Variants in SEC11A observed in about 807,000 individuals in gnomAD.
SEC11A encodes signal peptidase complex catalytic subunit SEC11A.
Under a neutral mutation model 25.6 loss-of-function variants are expected in SEC11A, and 14 were observed. That is an observed-to-expected ratio of 0.55 (90% CI 0.36 to 0.85). The LOEUF (loss-of-function observed/expected upper bound fraction) is 0.85. Ranked by LOEUF, SEC11A falls within the 40% of genes least tolerant of loss-of-function variation. The pLI is 0.01. For synonymous variants in SEC11A, 83 were observed against 76.4 expected, an observed-to-expected ratio of 1.09 and a Z score of -0.45; for missense variants, 153 against 222.9, an observed-to-expected ratio of 0.69 and a Z score of 2.00.
chr15:84,695,428 A>ACT (rs1168126297), intron 1 of SEC11A, among the ~76,000 whole-genome samples: 2 of 151,478 alleles, frequency 1.3e-5, no homozygotes, highest in Non-Finnish European at 2.9e-5. Flanking sequence ...GCACCATTGC[A>ACT]CTCCAGCCTG....
chr15:84,705,224 CAA>C (rs1267127281), intron 1 of SEC11A, among the ~76,000 whole-genome samples: 3 of 152,190 alleles, frequency 2.0e-5, no homozygotes, highest in African/African-American at 7.2e-5. Flanking sequence ...TGAGCCCAGC[CAA>C]GAGTCCTCTT....
chr15:84,701,582 A>G (rs1346713186), intron 1 of SEC11A, among the ~76,000 whole-genome samples: 1 of 152,142 alleles, frequency 6.6e-6, no homozygotes, highest in Non-Finnish European at 1.5e-5. Flanking sequence ...TACTATACTT[A>G]GAAGTTAAAT....
intron 3 of SEC11A, among the ~76,000 whole-genome samples, chr15:84,686,226 C>A (rs1567037079): frequency 6.6e-6 from 1 of 152,128 alleles, no homozygotes; most frequent in Non-Finnish European, 1.5e-5. Flanking sequence ...GCAGTCATAT[C>A]TTTATTTCAC....
At chr15:84,713,036 T>C (rs1302568846) in intron 1 of SEC11A, among the ~76,000 whole-genome samples, 2 of 151,928 alleles carry the variant, frequency 1.3e-5, no homozygotes, top group Middle Eastern at 3.4e-3. Flanking sequence ...CTACTAAAAA[T>C]ACAAAAAATT....
At chr15:84,682,469 GAC>G (rs1897305703) in intron 3 of SEC11A, among the ~76,000 whole-genome samples, 1 of 152,070 alleles carries the variant, frequency 6.6e-6, no homozygotes, top group Non-Finnish European at 1.5e-5. Context: ...TTTGTTTTGA[GAC>G]AGAGTCTCAC....
intron 1 of SEC11A, among the ~76,000 whole-genome samples, chr15:84,707,394 C>G (rs1397602800): frequency 6.6e-6 from 1 of 151,948 alleles, no homozygotes; most frequent in East Asian, 1.9e-4. Context: ...CCATGTTGGC[C>G]AGGATGGTCT....
At chr15:84,682,045 T>G (rs1319193294) in intron 3 of SEC11A, among the ~76,000 whole-genome samples, 1 of 151,838 alleles carries the variant, frequency 6.6e-6, no homozygotes, top group African/African-American at 2.4e-5. Context: ...GGAGACAGAG[T>G]GAGACACTGT....
chr15:84,698,611 T>C (rs930684653), intron 1 of SEC11A, among the ~76,000 whole-genome samples: 12 of 152,218 alleles, frequency 7.9e-5, no homozygotes, highest in African/African-American at 2.2e-4. Flanking sequence ...AAATTCCTAA[T>C]AGTCTAAATA....
At chr15:84,681,238 T>C (rs1596071051) in intron 3 of SEC11A, among the ~76,000 whole-genome samples, 1 of 152,220 alleles carries the variant, frequency 6.6e-6, no homozygotes, top group Non-Finnish European at 1.5e-5. Flanking sequence ...CAGGATATAA[T>C]TGGCAAGATA....
rs768426257 is a variant in SEC11A, at chr15:84,716,081, G to A, written c.-6C>T. ...AAAAAGTCTAGAGACAGCATGGCGG[G>A]GACGGCGAGCAGGACACCGGCAGGG... is the stretch of plus-strand genomic sequence containing the variant. On this transcript the variant is annotated 5_prime_UTR_variant, in exon 1 of 6. Coordinates refer to ENST00000268220, the MANE Select transcript of SEC11A (RefSeq NM_014300.4). 1.2e-6 allele frequency: 2 copies of A among 1,613,414 alleles called. No homozygotes were observed. Among genetic ancestry groups the A allele is most frequent in the Non-Finnish European group, 1.7e-6 (2 of 1,179,658 alleles).
At chr15:84,703,587 T>C (rs1205690358) in intron 1 of SEC11A, among the ~76,000 whole-genome samples, 2 of 152,158 alleles carry the variant, frequency 1.3e-5, no homozygotes, top group African/African-American at 4.8e-5. Flanking sequence ...GGGTTGATCA[T>C]GAAGGATTGT....
At chr15:84,690,586 T>C (rs1376968508) in intron 2 of SEC11A, among the ~76,000 whole-genome samples, 2 of 150,436 alleles carry the variant, frequency 1.3e-5, no homozygotes, top group Non-Finnish European at 2.9e-5. Flanking sequence ...CACTGCACTC[T>C]ATCCTGGGTA....
intron 4 of SEC11A, chr15:84,673,343 C>T (rs1393830081): frequency 8.6e-5 from 16 of 186,068 alleles, no homozygotes; most frequent in Admixed American, 8.0e-4. Context: ...ATTGAGAAAT[C>T]GGATGGTTGC....
In SEC11A at chr15:84,687,660, A is replaced by C; in HGVS notation, c.276T>G (p.Ile92Met). 1 of 1,592,136 alleles carries C rather than the reference A, an allele frequency of 6.3e-7. No homozygotes were observed. The highest frequency in any genetic ancestry group is 8.5e-7 in the Non-Finnish European group (1 of 1,175,278). ...IVVFRIEGRE[I>M]PIVHRVLKIH... Reference sequence around the variant, plus strand: ...TCTTCAAGACTCGGTGAACTATAGGAATCTCTCTTCCTTCTATCCTAAAAA... The same window carrying C: ...TCTTCAAGACTCGGTGAACTATAGGCATCTCTCTTCCTTCTATCCTAAAAA... The change falls in exon 3 of 6, where the codon ATT (isoleucine) becomes ATG (methionine). Residue 92 changes from isoleucine to methionine, a missense_variant. By Grantham distance (10) the Ile-to-Met change is conservative. Coordinates refer to ENST00000268220, the MANE Select transcript of SEC11A (RefSeq NM_014300.4).
At chr15:84,696,717 G>T (rs988715070) in intron 1 of SEC11A, among the ~76,000 whole-genome samples, 2 of 151,990 alleles carry the variant, frequency 1.3e-5, no homozygotes, top group Admixed American at 1.3e-4. Flanking sequence ...GATTTTGGCA[G>T]CAAAACAAAA....
intron 5 of SEC11A, chr15:84,670,297 C>G (rs1159409647): frequency 5.4e-6 from 2 of 368,552 alleles, no homozygotes; most frequent in Non-Finnish European, 9.8e-6. Flanking sequence ...CTTTGTCACC[C>G]AGGCTGGAGT....
intron 1 of SEC11A, among the ~76,000 whole-genome samples, chr15:84,707,022 C>T (rs4643294): frequency 0.2 from 30,586 of 151,978 alleles, 3,882 homozygotes; most frequent in Middle Eastern, 0.36. Context: ...CAGTCTCACT[C>T]CAGCAGCTGG....
intron 1 of SEC11A, among the ~76,000 whole-genome samples, chr15:84,710,856 G>A (rs1216496288): frequency 4.0e-5 from 6 of 150,424 alleles, no homozygotes; most frequent in Non-Finnish European, 7.4e-5. Flanking sequence ...GGCAGATCAC[G>A]AGGTCAGGAG....
chr15:84,713,254 A>G (rs983714225), intron 1 of SEC11A, among the ~76,000 whole-genome samples: 3 of 152,076 alleles, frequency 2.0e-5, no homozygotes, highest in South Asian at 2.1e-4. Context: ...TTCATTTACT[A>G]AAGTATTCCT....
Sources: gnomAD v4.1 joint callset for allele counts (sites outside exome capture counted in the v4.1 genomes callset) on GRCh38, gnomAD v4.1.1 for gene constraint, MANE v1.5 for transcripts, NCBI Gene and HGNC (gene_info 2026-07-23, HGNC 2026-07-21) for gene names.